The following PLCG2 variants were observed in gnomAD, a reference collection of about 807,000 sequenced individuals.
PLCG2 encodes the protein 1-phosphatidylinositol 4,5-bisphosphate phosphodiesterase gamma-2.
A neutral mutation model predicts 175.6 loss-of-function variants in PLCG2; 69 were observed. The ratio of observed to expected loss-of-function variants is 0.39; its 90% CI spans 0.32 to 0.48. The LOEUF (loss-of-function observed/expected upper bound fraction) is 0.48, where lower values mean the gene tolerates loss of function less well. Among genes scored for constraint, PLCG2 ranks in the 20% least tolerant of loss-of-function variants. PLCG2 has a pLI of 0.91. For missense variants in PLCG2, 1,798 were observed against 1,650.9 expected (o/e 1.09, Z -1.54); for synonymous variants, 827 against 624.0 (o/e 1.33, Z -4.85).
chr16:81,811,473 T>A (rs1444607428), intron 2 of PLCG2, among the ~76,000 whole-genome samples: 2 of 152,106 alleles, frequency 1.3e-5, no homozygotes, highest in African/African-American at 4.8e-5. Flanking sequence ...GTTTCCGTTT[T>A]CTTTTTTCTT....
chr16:81,831,811 G>C (rs1265950714), intron 2 of PLCG2, among the ~76,000 whole-genome samples: 2 of 152,210 alleles, frequency 1.3e-5, no homozygotes, highest in East Asian at 1.9e-4. Context: ...CTAGCTGTCT[G>C]CAACAGGAAC....
At chr16:81,802,541 A>G (rs1359385920) in intron 2 of PLCG2, among the ~76,000 whole-genome samples, 1 of 152,138 alleles carries the variant, frequency 6.6e-6, no homozygotes, top group Non-Finnish European at 1.5e-5. Flanking sequence ...TCTCTTGATG[A>G]GGAACCTATA....
At chr16:81,775,648 A>T (rs1183217453), upstream of PLCG2, among the ~76,000 whole-genome samples, 1 of 152,206 alleles carries the variant, frequency 6.6e-6, no homozygotes, top group African/African-American at 2.4e-5. Context: ...CAAAGAGAAG[A>T]GGGTAATAGG....
chr16:81,740,826 G>A (rs1418644528), intron 1 of PLCG2, among the ~76,000 whole-genome samples: 4 of 150,328 alleles, frequency 2.7e-5, no homozygotes, highest in African/African-American at 9.8e-5. Flanking sequence ...GCCTGGGGCT[G>A]TGGTCAGCAT....
intron 10 of PLCG2, among the ~76,000 whole-genome samples, chr16:81,890,738 A>G (rs896672568): frequency 2.0e-5 from 3 of 151,054 alleles, no homozygotes; most frequent in African/African-American, 4.9e-5. Context: ...TCGCTAAAGC[A>G]TTTTTTTTTA....
chr16:81,868,089 C>A (rs954291653), intron 5 of PLCG2, among the ~76,000 whole-genome samples: 2 of 152,220 alleles, frequency 1.3e-5, no homozygotes, highest in Non-Finnish European at 2.9e-5. Context: ...GAATTTGATT[C>A]AAATCCAGGC....
At chr16:81,829,990 C>T (rs1018452084) in intron 2 of PLCG2, among the ~76,000 whole-genome samples, 9 of 151,930 alleles carry the variant, frequency 5.9e-5, no homozygotes, top group Admixed American at 5.3e-4. Flanking sequence ...CATGAACGGG[C>T]AGTGCTGTCT....
At chr16:81,905,620 G>A in intron 15 of PLCG2, 113 bp downstream of exon 15, 1 of 684,110 alleles carries the variant, frequency 1.5e-6, no homozygotes, top group South Asian at 1.7e-5. Context: ...TTTTAGTCAA[G>A]TGAGTTTTTG....
chr16:81,957,963 G>C lies in PLCG2; in HGVS notation c.3763G>C (p.Glu1255Gln), dbSNP rs985122334. Residue 1255 changes from glutamate (E) to glutamine (Q), a missense_variant, in exon 33 of 33, where the codon GAG becomes CAG. Transcript: ENST00000564138. ...YQEKCNKRLR[E>Q]KRVSNSKFYS Reference sequence around the variant, plus strand: ...AAATCTGTTTTATTTCAGGTTAAGAGAGAAGAGAGTCAGCAACAGCAAGTT... The same window carrying C: ...AAATCTGTTTTATTTCAGGTTAAGACAGAAGAGAGTCAGCAACAGCAAGTT... 6.2e-7 allele frequency: 1 copy of C among 1,613,880 alleles called. No individual in the cohort carries two copies. Among genetic ancestry groups the C allele is most frequent in the Non-Finnish European group, 8.5e-7 (1 of 1,179,744 alleles).
chr16:81,797,087 C>T (rs964963108), intron 2 of PLCG2, among the ~76,000 whole-genome samples: 2 of 152,166 alleles, frequency 1.3e-5, no homozygotes, highest in Non-Finnish European at 2.9e-5. Context: ...GGCCTGGGCC[C>T]TGAGGGTGTA....
chr16:81,936,406 C>A, intron 27 of PLCG2, 28 bp downstream of exon 27: 2 of 1,594,334 alleles, frequency 1.3e-6, no homozygotes, highest in South Asian at 2.2e-5. Context: ...GTAGTCCCGT[C>A]CCTGCAAGGT....
Position 81,946,052 on chromosome 16 carries a change from G to C in PLCG2, c.3482-123G>C, listed in dbSNP as rs191426569. On this transcript the variant is annotated intron_variant, in intron 30 of 32. Coordinates refer to ENST00000564138, the MANE Select transcript of PLCG2 (RefSeq NM_002661.5). ...CTGGCTTCCACAAAGTCAGCCCCCA[G>C]CATGGGGCACTGACTTCTCTACCCT... The C allele has an allele frequency of 1.8e-3, 1,331 of 741,360 alleles. 2 individuals are homozygous for C. Among genetic ancestry groups the C allele is most frequent in the Middle Eastern group, 6.7e-3 (28 of 4,174 alleles). The allele number at this position is 741,360 out of a possible 1,614,324, so 45.9% of individuals were successfully genotyped here.
chr16:81,796,785 C>T (rs752910067), intron 2 of PLCG2, among the ~76,000 whole-genome samples: 1 of 152,174 alleles, frequency 6.6e-6, no homozygotes, highest in Non-Finnish European at 1.5e-5. Context: ...GGGGTGCTCC[C>T]TCAGGAGGAA....
chr16:81,813,569 A>G (rs144913066), intron 2 of PLCG2, among the ~76,000 whole-genome samples: 131 of 152,292 alleles, frequency 8.6e-4, no homozygotes, highest in African/African-American at 3.0e-3. Context: ...AGATTTTTCT[A>G]TAACAGTGTA....
At chr16:81,923,126 T>G (rs1457512600) in intron 21 of PLCG2, among the ~76,000 whole-genome samples, 1 of 152,138 alleles carries the variant, frequency 6.6e-6, no homozygotes, top group East Asian at 1.9e-4. Context: ...CTTTCTTTGT[T>G]GAGGAAATTG....
In PLCG2 at chr16:81,786,121, G is replaced by C; in HGVS notation, c.132G>C (p.Gln44His). The stretch of plus-strand genomic sequence containing the variant: ...CCACCCCCGAGCGGAGAACCGTCCA[G>C]GTGATCATGGAGACGCGGCAGGTGG... Reference protein sequence around the residue: ...RKSTPERRTVQVIMETRQVAW... With the variant: ...RKSTPERRTVHVIMETRQVAW... Residue 44 changes from glutamine (Q) to histidine (H), a missense_variant, in exon 2 of 33, where the codon CAG becomes CAC. Transcript: ENST00000564138. 6.2e-7 allele frequency: 1 copy of C among 1,614,212 alleles called. No individual in the cohort carries two copies. Among genetic ancestry groups the C allele is most frequent in the Non-Finnish European group, 8.5e-7 (1 of 1,180,050 alleles).
At chr16:81,833,184 G>T (rs1050667523) in intron 2 of PLCG2, among the ~76,000 whole-genome samples, 1 of 152,180 alleles carries the variant, frequency 6.6e-6, no homozygotes, top group African/African-American at 2.4e-5. Flanking sequence ...AGGATACCAC[G>T]TTTGGGGTTC....
At chr16:81,877,084 A>G (rs1361741352) in intron 7 of PLCG2, among the ~76,000 whole-genome samples, 1 of 152,102 alleles carries the variant, frequency 6.6e-6, no homozygotes, top group African/African-American at 2.4e-5. Context: ...TGAGACTGTC[A>G]CCGTCTTGCC....
rs1910905767 is a variant in PLCG2, at chr16:81,940,732, G to A, written c.3481+673G>A. On this transcript the variant is annotated intron_variant, in intron 30 of 32. Transcript: ENST00000564138. ...ACACAGCTGAGATAGACACTTCCAG[G>A]TGAGGGGATTTGGGACCCTGCTGCT... Among the ~76,000 whole-genome samples the A allele has an allele frequency of 2.6e-5, 4 of 152,176 alleles. No homozygotes were observed. The South Asian group carries it at 8.3e-4, about 32-fold the overall frequency.
Sources: allele counts gnomAD v4.1 joint callset (sites outside exome capture counted in the v4.1 genomes callset), GRCh38; gene constraint gnomAD v4.1.1; transcripts MANE v1.5; gene names NCBI Gene and HGNC (gene_info 2026-07-23, HGNC 2026-07-21).